Variants in DTNBP1 observed in about 807,000 individuals in gnomAD.
DTNBP1 encodes the protein dysbindin.
In DTNBP1, 35 loss-of-function variants were observed where a neutral mutation model predicts 42.8. The observed-to-expected ratio is 0.82, with a 90% CI of 0.63 to 1.09. The LOEUF is 1.09. Among genes scored for constraint, DTNBP1 ranks in the 50% least tolerant of loss-of-function variants. The pLI is 0.00. For synonymous variants in DTNBP1, 171 were observed against 162.2 expected (o/e 1.05, Z -0.41); for missense variants, 457 against 424.2 (o/e 1.08, Z -0.68).
At position 15,662,821 on chromosome 6, in the gene DTNBP1, T is replaced by A; in HGVS notation, c.49A>T (p.Thr17Ser). ...CGCCCACCGTATACCCACCCGGAGG[T>A]GAAATCCTGCTGCACGCTCAGCAGC... is the stretch of plus-strand genomic sequence containing the variant. The part of the protein sequence containing the change: ...ERLLSVQQDF[T>S]SGLKTLSDKS... The change falls in exon 1 of 10, where the codon ACC becomes TCC. Residue 17 changes from threonine to serine, a missense_variant. Physicochemically the swap from Thr to Ser is moderately conservative, Grantham distance 58. Transcript: ENST00000344537. 11 of 1,610,802 alleles carry A rather than the reference T, an allele frequency of 6.8e-6. No homozygotes were observed. The highest frequency in any genetic ancestry group is 1.3e-5 in the African/African-American group (1 of 74,718).
chr6:15,565,365 C>A (rs921049767), intron 7 of DTNBP1, among the ~76,000 whole-genome samples: 44 of 152,302 alleles, frequency 2.9e-4, no homozygotes, highest in African/African-American at 1.0e-3. Flanking sequence ...CATGTGCACA[C>A]AAAGGCTTGC....
intron 4 of DTNBP1, among the ~76,000 whole-genome samples, chr6:15,636,996 T>C (rs1272888906): frequency 6.6e-6 from 1 of 152,226 alleles, no homozygotes; most frequent in Non-Finnish European, 1.5e-5. Flanking sequence ...AACCTACATT[T>C]TCTTCTTATC....
intron 4 of DTNBP1, 67 bp downstream of exon 4, chr6:15,637,677 T>C: frequency 6.6e-7 from 1 of 1,519,860 alleles, no homozygotes; most frequent in Non-Finnish European, 9.1e-7. Context: ...ATTCAATTTT[T>C]AAAAAATACC....
At chr6:15,658,348 A>C (rs1761398171) in intron 1 of DTNBP1, among the ~76,000 whole-genome samples, 1 of 152,198 alleles carries the variant, frequency 6.6e-6, no homozygotes, top group South Asian at 2.1e-4. Flanking sequence ...GCAACACTTC[A>C]CCATTTGACC....
chr6:15,588,361 T>C (rs913350309), intron 7 of DTNBP1, among the ~76,000 whole-genome samples: 1 of 152,194 alleles, frequency 6.6e-6, no homozygotes, highest in South Asian at 2.1e-4. Flanking sequence ...TCTACCCTGA[T>C]TGAAACCCTT....
chr6:15,576,172 G>A (rs1480965791), intron 7 of DTNBP1, among the ~76,000 whole-genome samples: 1 of 151,712 alleles, frequency 6.6e-6, no homozygotes. Flanking sequence ...AGGCTGGAGT[G>A]CAGTGGCACT....
chr6:15,617,172 A>G (rs150566710), intron 5 of DTNBP1, among the ~76,000 whole-genome samples: 82 of 152,268 alleles, frequency 5.4e-4, no homozygotes, highest in Non-Finnish European at 1.0e-3. Flanking sequence ...GATCAAGGGG[A>G]TGAAAGATCT....
chr6:15,531,674 G>A (rs904108605), intron 8 of DTNBP1, among the ~76,000 whole-genome samples: 2 of 151,766 alleles, frequency 1.3e-5, no homozygotes, highest in African/African-American at 4.8e-5. Flanking sequence ...TTGCTCTGTC[G>A]CCAGGCTGGA....
At chr6:15,530,897 A>G (rs1357694902) in intron 8 of DTNBP1, among the ~76,000 whole-genome samples, 1 of 152,224 alleles carries the variant, frequency 6.6e-6, no homozygotes, top group African/African-American at 2.4e-5. Flanking sequence ...GCCAGGGTGT[A>G]TCTGTATGGA....
At chr6:15,612,774 C>T (rs780956010) in intron 6 of DTNBP1, among the ~76,000 whole-genome samples, 3 of 152,318 alleles carry the variant, frequency 2.0e-5, no homozygotes, top group Non-Finnish European at 4.4e-5. Flanking sequence ...GCAAAAATTT[C>T]CTCTCAAAAT....
At chr6:15,623,417 C>A (rs1197888646) in intron 5 of DTNBP1, among the ~76,000 whole-genome samples, 1 of 152,178 alleles carries the variant, frequency 6.6e-6, no homozygotes, top group African/African-American at 2.4e-5. Flanking sequence ...GGTACAGTGG[C>A]TCAATCCTGT....
chr6:15,656,856 C>T (rs996387241), intron 1 of DTNBP1, among the ~76,000 whole-genome samples: 3 of 152,158 alleles, frequency 2.0e-5, no homozygotes, highest in Non-Finnish European at 2.9e-5. Context: ...ACCTGCATGA[C>T]GTTTCATTTA....
At chr6:15,594,166 T>C (rs767466933) in intron 6 of DTNBP1, among the ~76,000 whole-genome samples, 1 of 152,064 alleles carries the variant, frequency 6.6e-6, no homozygotes, top group Non-Finnish European at 1.5e-5. Context: ...ATCCTATTTT[T>C]TCAAAAACCT....
intron 9 of DTNBP1, chr6:15,524,091 A>G (rs1772158377): frequency 7.5e-7 from 1 of 1,327,034 alleles, no homozygotes; most frequent in African/African-American, 1.5e-5. Flanking sequence ...ACAGGCCAAG[A>G]GCTGAACACA....
At chr6:15,589,177 T>C (rs9476859) in intron 7 of DTNBP1, among the ~76,000 whole-genome samples, 23,519 of 152,214 alleles carry the variant, frequency 0.15, 2,701 homozygotes, top group African/African-American at 0.32. Flanking sequence ...AAGCCAGTAA[T>C]ATGCATAAGC....
intron 1 of DTNBP1, among the ~76,000 whole-genome samples, chr6:15,659,697 C>T (rs1489407496): frequency 4.0e-5 from 6 of 151,734 alleles, no homozygotes; most frequent in South Asian, 2.1e-4. Flanking sequence ...GAATTACAGA[C>T]GCACGCCACC....
At chr6:15,561,821 T>C (rs915258052) in intron 7 of DTNBP1, among the ~76,000 whole-genome samples, 1 of 152,036 alleles carries the variant, frequency 6.6e-6, no homozygotes, top group African/African-American at 2.4e-5. Flanking sequence ...GTTGATAAAA[T>C]AGGATGCAGT....
At chr6:15,537,734 C>G (rs1437644333) in intron 7 of DTNBP1, among the ~76,000 whole-genome samples, 1 of 152,208 alleles carries the variant, frequency 6.6e-6, no homozygotes, top group African/African-American at 2.4e-5. Flanking sequence ...CGCTCACACT[C>G]TCTCCTACTG....
chr6:15,523,446 C>CA (rs1581687263), intron 9 of DTNBP1: 2 of 1,286,150 alleles, frequency 1.6e-6, no homozygotes, highest in Non-Finnish European at 2.0e-6. Flanking sequence ...AGGAGTCAGC[C>CA]ACATGTGACA....
Sources: allele counts gnomAD v4.1 joint callset (sites outside exome capture counted in the v4.1 genomes callset), GRCh38; gene constraint gnomAD v4.1.1; transcripts MANE v1.5; gene names NCBI Gene and HGNC (gene_info 2026-07-23, HGNC 2026-07-21).